Variants in CUL1 observed in about 807,000 individuals in gnomAD.
The protein encoded by CUL1 is cullin-1.
Under a neutral mutation model 118.0 loss-of-function variants are expected in CUL1, and 24 were observed. The ratio of observed to expected loss-of-function variants is 0.20; its 90% confidence interval spans 0.15 to 0.29. The LOEUF (loss-of-function observed/expected upper bound fraction) is 0.29, where lower values mean the gene tolerates loss of function less well. Ranked by LOEUF, CUL1 falls within the 10% of genes least tolerant of loss-of-function variation. The pLI is 1.00. For synonymous variants in CUL1, 332 were observed against 340.4 expected (o/e 0.98, Z 0.27); for missense variants, 361 against 933.8 (o/e 0.39, Z 7.99).
chr7:148,772,231 A>G (rs1277585366), intron 9 of CUL1, among the ~76,000 whole-genome samples: 2 of 152,180 alleles, frequency 1.3e-5, no homozygotes, highest in Admixed American at 6.5e-5. Context: ...CCTGGCCAAC[A>G]TGGCGAAACC....
rs142589949 is a variant in CUL1, at chr7:148,740,911, C to T, written c.140+10649C>T. 9.9e-4 allele frequency among the ~76,000 whole-genome samples: 150 copies of T among 152,262 alleles called. 1 individual carries two copies. Among genetic ancestry groups the T allele is most frequent in the African/African-American group, 3.4e-3 (142 of 41,556 alleles). Reference sequence around the variant, plus strand: ...ACCAACCCTGACAGTACCTTGAGCTCGGACCTCTAGTCTCCAGAACTGTGA... The same window carrying T: ...ACCAACCCTGACAGTACCTTGAGCTTGGACCTCTAGTCTCCAGAACTGTGA... On this transcript the variant is annotated intron_variant, in intron 2 of 21. Coordinates refer to ENST00000325222, the MANE Select transcript of CUL1 (RefSeq NM_003592.3).
At chr7:148,756,388 T>G (rs1799658334) in intron 3 of CUL1, among the ~76,000 whole-genome samples, 1 of 152,012 alleles carries the variant, frequency 6.6e-6, no homozygotes, top group African/African-American at 2.4e-5. Context: ...CAGGCTAGAG[T>G]GCAGTGGTGC....
At chr7:148,725,025 T>G (rs557091361) in intron 1 of CUL1, among the ~76,000 whole-genome samples, 6 of 152,072 alleles carry the variant, frequency 3.9e-5, no homozygotes, top group Admixed American at 2.0e-4. Flanking sequence ...TTATAAGATA[T>G]GGATATATAG....
chr7:148,700,345 T>G (rs1797683770), intron 1 of CUL1, among the ~76,000 whole-genome samples: 1 of 152,236 alleles, frequency 6.6e-6, no homozygotes, highest in South Asian at 2.1e-4. Flanking sequence ...GCTTAACGCC[T>G]CGCAGAAGTG....
In CUL1 at chr7:148,800,469, C is replaced by G. The variant is rs1387930556; in HGVS notation, c.2251-33C>G. 6.4e-7 allele frequency: 1 copy of G among 1,554,152 alleles called. No homozygotes were observed. The highest frequency in any genetic ancestry group is 8.9e-7 in the Non-Finnish European group (1 of 1,126,238). Reference sequence around the variant, plus strand: ...GATAATTTGTGTTTTTCTTCTCTTTCACTACCTCTTCCTTTTTAAAAATAA... The same window carrying G: ...GATAATTTGTGTTTTTCTTCTCTTTGACTACCTCTTCCTTTTTAAAAATAA... On this transcript the variant is annotated intron_variant, in intron 21 of 21. Transcript: ENST00000325222. This position sits in a 1 kb window ranked among gnomAD's most constrained non-coding sequence, Gnocchi z 4.6.
At chr7:148,780,422 C>T (rs1018447986) in intron 9 of CUL1, among the ~76,000 whole-genome samples, 7 of 152,124 alleles carry the variant, frequency 4.6e-5, no homozygotes, top group South Asian at 2.1e-4. Flanking sequence ...AAGAAATGGA[C>T]GGGTTGTATG....
intron 11 of CUL1, among the ~76,000 whole-genome samples, chr7:148,785,786 G>A (rs1186959619): frequency 2.0e-5 from 3 of 152,108 alleles, no homozygotes; most frequent in Non-Finnish European, 2.9e-5. Flanking sequence ...TTTAATGAGC[G>A]TGTGTTGGGT....
At chr7:148,780,870 C>T (rs1419578473) in intron 9 of CUL1, among the ~76,000 whole-genome samples, 1 of 152,064 alleles carries the variant, frequency 6.6e-6, no homozygotes, top group Non-Finnish European at 1.5e-5. Flanking sequence ...TCCAGCTGAT[C>T]TCTCTCCTCT....
chr7:148,698,529 G>C (rs1045708516), upstream of CUL1: 1 of 152,102 alleles, frequency 6.6e-6, no homozygotes, highest in African/African-American at 2.4e-5. Flanking sequence ...GGCAGGGGCC[G>C]CAGGCTCGCA....
intron 2 of CUL1, among the ~76,000 whole-genome samples, chr7:148,743,417 C>G (rs1299878650): frequency 1.3e-5 from 2 of 152,154 alleles, no homozygotes; most frequent in African/African-American, 4.8e-5. Context: ...CAGGGCTTTT[C>G]TTTTTTTCTT....
At chr7:148,702,071 G>A (rs896692669) in intron 1 of CUL1, among the ~76,000 whole-genome samples, 1 of 152,154 alleles carries the variant, frequency 6.6e-6, no homozygotes. Context: ...TCCAAATGAA[G>A]AAATGAGCAT....
chr7:148,784,089 C>G lies in CUL1; in HGVS notation c.1298+12C>G. 1 of 1,596,248 alleles carries G rather than the reference C, an allele frequency of 6.3e-7. No homozygotes were observed. The highest frequency in any genetic ancestry group is 8.6e-7 in the Non-Finnish European group (1 of 1,163,726). On this transcript the variant is annotated intron_variant, in intron 11 of 21. Transcript: ENST00000325222. The stretch of plus-strand genomic sequence containing the variant: ...TTGTTGAAGAAAAGGTATTAAATGA[C>G]CCTATGTTTTCTTAGTATGCCTGTT...
At chr7:148,699,452 T>C (rs1797641142) in intron 1 of CUL1, among the ~76,000 whole-genome samples, 1 of 151,768 alleles carries the variant, frequency 6.6e-6, no homozygotes, top group African/African-American at 2.4e-5. Flanking sequence ...TGAGGCGACC[T>C]CCGCGGGACG....
chr7:148,742,410 T>G (rs1045561844), intron 2 of CUL1, among the ~76,000 whole-genome samples: 1 of 152,142 alleles, frequency 6.6e-6, no homozygotes, highest in East Asian at 1.9e-4. Context: ...TCTATGAGAC[T>G]TATTCACTAC....
chr7:148,714,911 G>A (rs1798165582), intron 1 of CUL1, among the ~76,000 whole-genome samples: 1 of 152,054 alleles, frequency 6.6e-6, no homozygotes, highest in African/African-American at 2.4e-5. Flanking sequence ...TGTGTGAGAG[G>A]GTCTTGCCCT....
intron 15 of CUL1, 67 bp downstream of exon 15, chr7:148,789,893 G>A: frequency 2.8e-6 from 4 of 1,427,330 alleles, no homozygotes; most frequent in Non-Finnish European, 4.0e-6. Context: ...AGCCTTCACT[G>A]TGGAAGGGGA....
chr7:148,766,810 G>A, intron 8 of CUL1, 87 bp downstream of exon 8: 1 of 1,121,158 alleles, frequency 8.9e-7, no homozygotes, highest in Non-Finnish European at 1.3e-6. Flanking sequence ...CGAGTCAACG[G>A]CATTACTTGC....
chr7:148,748,861 A>C (rs1178300974), intron 2 of CUL1, among the ~76,000 whole-genome samples: 2 of 152,236 alleles, frequency 1.3e-5, no homozygotes, highest in Non-Finnish European at 2.9e-5. Flanking sequence ...GGTAAAATAC[A>C]TTTTGGAAAT....
chr7:148,746,568 C>T (rs929202168), intron 2 of CUL1, among the ~76,000 whole-genome samples: 34 of 152,074 alleles, frequency 2.2e-4, no homozygotes, highest in Non-Finnish European at 5.0e-4. Flanking sequence ...CGGAGGACAA[C>T]GTTATGTGGA....
Sources: gnomAD v4.1 joint callset for allele counts (sites outside exome capture counted in the v4.1 genomes callset) on GRCh38, gnomAD v4.1.1 for gene constraint, Gnocchi (gnomAD v3.1) non-coding constraint, MANE v1.5 for transcripts, NCBI Gene and HGNC (gene_info 2026-07-23, HGNC 2026-07-21) for gene names.